ERC2: variants seen among roughly 807,000 people sequenced by gnomAD.
ERC2 encodes the protein ELKS/RAB6-interacting/CAST family member 2, also known as ERC protein 2.
In ERC2, 42 loss-of-function variants were observed where a neutral mutation model predicts 114.8. The observed-to-expected ratio is 0.37, with a 90% CI of 0.29 to 0.47. The LOEUF (loss-of-function observed/expected upper bound fraction) is 0.47. ERC2 is among the 20% of genes least tolerant of loss of function. ERC2 has a pLI of 0.99. For synonymous variants in ERC2, 454 were observed against 425.5 expected (o/e 1.07, Z -0.82); for missense variants, 939 against 1,150.7 (o/e 0.82, Z 2.66).
At position 55,676,063 on chromosome 3, in the gene ERC2, G is replaced by A. The variant is rs2061794484; in HGVS notation, c.*39+7731C>T. ...AGCTTCCCAGGTAGCTGGGAATACA[G>A]GCATGTGCCACTACGCCCAACTAAT... On this transcript the variant is annotated intron_variant, in intron 17 of 17. Coordinates refer to ENST00000288221, the MANE Select transcript of ERC2 (RefSeq NM_015576.3). 2.0e-5 allele frequency among the ~76,000 whole-genome samples: 3 copies of A among 151,378 alleles called. No individual in the cohort carries two copies. The South Asian group carries it at 6.2e-4, about 31-fold the overall frequency.
intron 15 of ERC2, among the ~76,000 whole-genome samples, chr3:55,707,914 G>A (rs563271071): frequency 6.6e-6 from 1 of 152,298 alleles, no homozygotes; most frequent in South Asian, 2.1e-4. Flanking sequence ...ATGAGGCTTA[G>A]GGATTAAGCA....
At chr3:55,789,949 C>T (rs1053926680) in intron 14 of ERC2, among the ~76,000 whole-genome samples, 2 of 152,144 alleles carry the variant, frequency 1.3e-5, no homozygotes, top group African/African-American at 2.4e-5. Context: ...TGTAAGGCCA[C>T]GACTTAGCCT....
intron 13 of ERC2, among the ~76,000 whole-genome samples, chr3:55,928,989 C>G (rs2065912170): frequency 6.6e-6 from 1 of 152,128 alleles, no homozygotes; most frequent in Admixed American, 6.5e-5. Flanking sequence ...TATGCCAGAA[C>G]CATACTGTTT....
chr3:56,317,271 G>A (rs982758982), intron 2 of ERC2, among the ~76,000 whole-genome samples: 20 of 152,144 alleles, frequency 1.3e-4, no homozygotes, highest in African/African-American at 3.6e-4. Context: ...TGAAGGGCAC[G>A]GGCAAAGGCA....
At chr3:56,039,155 A>C (rs2074984665) in intron 7 of ERC2, among the ~76,000 whole-genome samples, 1 of 152,174 alleles carries the variant, frequency 6.6e-6, no homozygotes, top group Non-Finnish European at 1.5e-5. Context: ...GTAGCAAACT[A>C]CCATGGCACA....
Position 56,117,643 on chromosome 3 carries a change from T to C in ERC2, c.1473+21866A>G, listed in dbSNP as rs555256781. ...ATAGCATGATGTAAGGCAGGTAGAGTGTGGGCATGAAGTTTGACACATATA... is the reference window on the plus strand; with the variant it reads ...ATAGCATGATGTAAGGCAGGTAGAGCGTGGGCATGAAGTTTGACACATATA... On this transcript the variant is annotated intron_variant, in intron 6 of 17. Coordinates refer to ENST00000288221, the MANE Select transcript of ERC2 (RefSeq NM_015576.3). 2.9e-4 allele frequency among the ~76,000 whole-genome samples: 44 copies of C among 152,098 alleles called. 1 individual carries two copies. Among genetic ancestry groups the C allele is most frequent in the African/African-American group, 9.6e-4 (40 of 41,482 alleles).
chr3:55,772,223 A>G (rs1476908984), intron 14 of ERC2, among the ~76,000 whole-genome samples: 1 of 152,126 alleles, frequency 6.6e-6, no homozygotes, highest in Non-Finnish European at 1.5e-5. Flanking sequence ...GCTCACTGCA[A>G]CTTCCGCCAC....
chr3:56,336,906 A>G (rs887101413), intron 2 of ERC2, among the ~76,000 whole-genome samples: 5 of 152,012 alleles, frequency 3.3e-5, no homozygotes, highest in African/African-American at 7.2e-5. Flanking sequence ...TATCACTAAT[A>G]CCAAAACTTA....
At chr3:56,025,304 C>T (rs576676066) in intron 7 of ERC2, among the ~76,000 whole-genome samples, 3 of 152,224 alleles carry the variant, frequency 2.0e-5, no homozygotes, top group African/African-American at 7.2e-5. Flanking sequence ...AACAAATTGC[C>T]ACAAATTTAG....
chr3:55,739,991 C>T (rs1403542592), intron 14 of ERC2, among the ~76,000 whole-genome samples: 1 of 152,092 alleles, frequency 6.6e-6, no homozygotes, highest in East Asian at 1.9e-4. Context: ...CCAGGCTTCC[C>T]AACACCATTT....
intron 3 of ERC2, among the ~76,000 whole-genome samples, chr3:56,214,684 A>G (rs2049328516): frequency 6.6e-6 from 1 of 152,074 alleles, no homozygotes; most frequent in Admixed American, 6.6e-5. Flanking sequence ...TCCAAGACAC[A>G]TAATTGTCAG....
chr3:56,340,352 C>G (rs1560623938), intron 2 of ERC2, among the ~76,000 whole-genome samples: 2 of 151,778 alleles, frequency 1.3e-5, no homozygotes. Flanking sequence ...ATGCAGACAC[C>G]CAGACAAGTT....
At chr3:55,594,025 C>G (rs913530780) in intron 17 of ERC2, among the ~76,000 whole-genome samples, 1 of 152,196 alleles carries the variant, frequency 6.6e-6, no homozygotes, top group African/African-American at 2.4e-5. Flanking sequence ...CTTTCATGCT[C>G]AAAGCAGTGA....
chr3:55,959,632 T>C (rs1427278193), intron 12 of ERC2, among the ~76,000 whole-genome samples: 3 of 152,202 alleles, frequency 2.0e-5, no homozygotes, highest in Non-Finnish European at 2.9e-5. Flanking sequence ...GGCCACGTGA[T>C]TAACTAACGA....
At chr3:55,555,709 G>C (rs998196714) in intron 17 of ERC2, among the ~76,000 whole-genome samples, 3 of 152,174 alleles carry the variant, frequency 2.0e-5, no homozygotes, top group African/African-American at 7.2e-5. Flanking sequence ...GACGGCAAGT[G>C]AACCTGCAAG....
At chr3:56,296,676 A>G (rs1186192678) in intron 2 of ERC2, among the ~76,000 whole-genome samples, 1 of 152,188 alleles carries the variant, frequency 6.6e-6, no homozygotes, top group Non-Finnish European at 1.5e-5. Context: ...ACACACACAG[A>G]AACAATAGAT....
intron 9 of ERC2, among the ~76,000 whole-genome samples, chr3:56,007,925 TCAGA>T (rs747896943): frequency 6.6e-5 from 10 of 152,110 alleles, no homozygotes; most frequent in Non-Finnish European, 1.5e-4. Context: ...TCTTTCCAAC[TCAGA>T]CATAGGGTTA....
chr3:56,406,410 A>G (rs1211582148), intron 2 of ERC2, among the ~76,000 whole-genome samples: 4 of 152,098 alleles, frequency 2.6e-5, no homozygotes, highest in South Asian at 4.1e-4. Context: ...GTCCCCAGGG[A>G]TGTACACAAA....
At chr3:55,654,819 T>G (rs1437861251) in intron 17 of ERC2, among the ~76,000 whole-genome samples, 1 of 152,220 alleles carries the variant, frequency 6.6e-6, no homozygotes, top group African/African-American at 2.4e-5. Context: ...GATGGATGTT[T>G]TGGACATTTA....
Sources: gnomAD v4.1 joint callset for allele counts (sites outside exome capture counted in the v4.1 genomes callset) on GRCh38, gnomAD v4.1.1 for gene constraint, MANE v1.5 for transcripts, NCBI Gene and HGNC (gene_info 2026-07-23, HGNC 2026-07-21) for gene names.